Variants in SH3TC2 observed in about 807,000 individuals in gnomAD.
SH3TC2 encodes SH3 domain and tetratricopeptide repeat-containing protein 2.
A neutral mutation model predicts 124.5 loss-of-function variants in SH3TC2; 87 were observed. The observed-to-expected ratio is 0.70, with a 90% CI of 0.59 to 0.84. The LOEUF is 0.84. Among genes scored for constraint, SH3TC2 ranks in the 40% least tolerant of loss-of-function variants. The pLI, the probability that SH3TC2 is intolerant of heterozygous loss-of-function variation, is 0.00. For missense variants in SH3TC2, 1,536 were observed against 1,566.4 expected (o/e 0.98, Z 0.33); for synonymous variants, 634 against 628.5 (o/e 1.01, Z -0.13).
chr5:149,011,195 G>C (rs1172288145), intron 13 of SH3TC2, among the ~76,000 whole-genome samples: 3 of 152,200 alleles, frequency 2.0e-5, no homozygotes, highest in African/African-American at 7.2e-5. Flanking sequence ...TGGCAGCCTG[G>C]GGTTGGGTGA....
rs999080526 is a variant in SH3TC2, at chr5:148,994,485, G to A, written c.*10226C>T. On this transcript the variant is annotated 3_prime_UTR_variant, in exon 17 of 17. Coordinates refer to ENST00000515425, the MANE Select transcript of SH3TC2 (RefSeq NM_024577.4). ...CCCTGGAGCCCATAGGACTTATGAA[G>A]ACAGGGACTGTCATTATCTTGCTCA... is the stretch of plus-strand genomic sequence containing the variant. Among the ~76,000 whole-genome samples, 4 of 152,208 alleles carry A rather than the reference G, an allele frequency of 2.6e-5. No homozygotes were observed. The highest frequency in any genetic ancestry group is 4.4e-5 in the Non-Finnish European group (3 of 68,034).
At chr5:149,035,038 A>C (rs1159129896) in intron 8 of SH3TC2, among the ~76,000 whole-genome samples, 1 of 152,172 alleles carries the variant, frequency 6.6e-6, no homozygotes, top group African/African-American at 2.4e-5. Flanking sequence ...TAAAATAGAT[A>C]CTCTATGAAG....
chr5:149,006,104 C>CA (rs1753684150), intron 16 of SH3TC2: 1 of 152,246 alleles, frequency 6.6e-6, no homozygotes, highest in African/African-American at 2.4e-5. Flanking sequence ...ACAAAAAATA[C>CA]AAAAATTAGC....
Position 149,027,251 on chromosome 5 carries a change from C to T in SH3TC2, c.2481G>A (p.Lys827=). Residue 827 remains lysine (K), a synonymous_variant, in exon 11 of 17, where the codon AAG becomes AAA. Coordinates refer to ENST00000515425, the MANE Select transcript of SH3TC2 (RefSeq NM_024577.4). ...CCCTTTGAGTGAGACTCTCTGTCTC[C>T]TTCAGGGAGCATAGCAGTGGCTCAA... ...DVLEPLLCSL[K]ETESLTQRGV... The T allele has an allele frequency of 6.2e-7, 1 of 1,614,204 alleles. No individual in the cohort carries two copies. Among genetic ancestry groups the T allele is most frequent in the Non-Finnish European group, 8.5e-7 (1 of 1,180,046 alleles).
At chr5:149,012,956 A>G (rs1753809081) in intron 12 of SH3TC2, among the ~76,000 whole-genome samples, 1 of 152,162 alleles carries the variant, frequency 6.6e-6, no homozygotes, top group Non-Finnish European at 1.5e-5. Context: ...AAACAGACCT[A>G]TAATTGTGCC....
chr5:149,003,845 G>A lies in SH3TC2; in HGVS notation c.*866C>T. The stretch of plus-strand genomic sequence containing the variant: ...CAGCCTGGGCAACAGAGGAGAAACT[G>A]TCTCAAAAAAAAAAAAAAAAAAAAA... On this transcript the variant is annotated 3_prime_UTR_variant, in exon 17 of 17. Transcript: ENST00000515425. 4.8e-6 allele frequency: 1 copy of A among 207,760 alleles called. No individual in the cohort carries two copies. Among genetic ancestry groups the A allele is most frequent in the Non-Finnish European group, 8.8e-6 (1 of 113,370 alleles). The allele number at this position is 207,760 out of a possible 1,614,324, so 12.9% of individuals were successfully genotyped here.
At position 149,006,904 on chromosome 5, in the gene SH3TC2, T is replaced by G. The variant is rs1321620395; in HGVS notation, c.3652A>C (p.Arg1218=). The G allele has an allele frequency of 6.2e-7, 1 of 1,613,972 alleles. No homozygotes were observed. The highest frequency in any genetic ancestry group is 1.1e-5 in the South Asian group (1 of 91,062). The change falls in exon 16 of 17, where the codon AGA becomes CGA. Residue 1218 remains arginine, a synonymous_variant. Transcript: ENST00000515425. ...YYAKVYYRLG[R]LTFCQLKDAH... ...ACCTTCAGCTGGCAGAAGGTGAGTC[T>G]GCCCAGGCGATAATACACCTTGGCA...
intron 14 of SH3TC2, among the ~76,000 whole-genome samples, chr5:149,009,891 A>G (rs1483501367): frequency 2.4e-4 from 37 of 152,222 alleles, no homozygotes; most frequent in Non-Finnish European, 2.9e-5. Context: ...GCATTCATCT[A>G]CATAACCCTT....
chr5:149,013,552 A>G (rs1245031461), intron 12 of SH3TC2, among the ~76,000 whole-genome samples: 1 of 152,252 alleles, frequency 6.6e-6, no homozygotes, highest in African/African-American at 2.4e-5. Context: ...GAGTGACAAC[A>G]GTGGTAACTT....
In SH3TC2 at chr5:149,012,695, C is replaced by A; in HGVS notation, c.3093G>T (p.Leu1031=). Residue 1031 remains leucine (L), a synonymous_variant, in exon 13 of 17, where the codon CTG becomes CTT. Coordinates refer to ENST00000515425, the MANE Select transcript of SH3TC2 (RefSeq NM_024577.4). ...TCTCCCCCAGGTCAATGAAGATACG[C>A]AGGCTCTCCTTGATGCATGTGAGTG... ...RRSLTCIKES[L]RIFIDLGETD... is the part of the protein sequence containing the mutation. 6.2e-7 allele frequency: 1 copy of A among 1,614,154 alleles called. No homozygotes were observed. The highest frequency in any genetic ancestry group is 8.5e-7 in the Non-Finnish European group (1 of 1,180,040).
Position 148,998,461 on chromosome 5 carries a change from T to C in SH3TC2, c.*6250A>G, listed in dbSNP as rs1753545830. On this transcript the variant is annotated 3_prime_UTR_variant, in exon 17 of 17. Coordinates refer to ENST00000515425, the MANE Select transcript of SH3TC2 (RefSeq NM_024577.4). ...TTCAACCATCCTCTCACCTACCCTG[T>C]CTGGAAGTTCATCTCAAAGAGCCTC... Among the ~76,000 whole-genome samples, 1 of 152,224 alleles carries C rather than the reference T, an allele frequency of 6.6e-6. No individual in the cohort carries two copies. The highest frequency in any genetic ancestry group is 6.5e-5 in the Admixed American group (1 of 15,280).
rs779808918 is a variant in SH3TC2, at chr5:149,038,402, G to A, written c.894C>T (p.Ile298=). The change falls in exon 8 of 17, where the codon ATC becomes ATT. Residue 298 remains isoleucine (I), a synonymous_variant. Transcript: ENST00000515425. ...NFYQGESIEI[I]GFVIPGLQWF... is the part of the protein sequence containing the mutation. The stretch of plus-strand genomic sequence containing the variant: ...ACTGAAGCCCAGGTATGACAAAGCC[G>A]ATGATCTCAATGCTTTCTCCCTGGT... 2.3e-5 allele frequency: 37 copies of A among 1,614,054 alleles called. No homozygotes were observed. The East Asian group carries it at 2.7e-4, about 12-fold the overall frequency.
intron 2 of SH3TC2, among the ~76,000 whole-genome samples, chr5:149,051,651 A>G (rs537916812): frequency 3.9e-5 from 6 of 151,936 alleles, no homozygotes; most frequent in Non-Finnish European, 8.8e-5. Context: ...ATCAGGTCTC[A>G]CTCTGTTGCC....
rs886060103 is a variant in SH3TC2 at position 148,986,878 on chromosome 5, A to C, written c.*17833T>G. ...TTAACTTGTTAAAACAGTTACACCC[A>C]AAAAATGCTGAGATTATTTAACAAT... On this transcript the variant is annotated 3_prime_UTR_variant, in exon 17 of 17. Transcript: ENST00000515425. Among the ~76,000 whole-genome samples the C allele has an allele frequency of 5.3e-5, 8 of 152,234 alleles. No individual in the cohort carries two copies. The highest frequency in any genetic ancestry group is 4.1e-4 in the South Asian group (2 of 4,828).
At chr5:149,008,497 A>G (rs1753728334) in intron 15 of SH3TC2, 2 of 355,534 alleles carry the variant, frequency 5.6e-6, no homozygotes, top group Non-Finnish European at 1.1e-5. Context: ...AATATCATTT[A>G]CTTTACACTT....
chr5:149,010,263 G>A lies in SH3TC2; in HGVS notation c.3327+7C>T. ...CTGTCTCAGCAAACTGCACAGCTTGGACTTACTCGGTAGTACTCCACTGCA... is the reference window on the plus strand; with the variant it reads ...CTGTCTCAGCAAACTGCACAGCTTGAACTTACTCGGTAGTACTCCACTGCA... On this transcript the variant is annotated splice_region_variant and intron_variant, in intron 14 of 16. Coordinates refer to ENST00000515425, the MANE Select transcript of SH3TC2 (RefSeq NM_024577.4). 1 of 1,614,134 alleles carries A rather than the reference G, an allele frequency of 6.2e-7. No homozygotes were observed. Among genetic ancestry groups the A allele is most frequent in the Non-Finnish European group, 8.5e-7 (1 of 1,180,036 alleles).
chr5:149,030,536 T>C (rs1400099511), intron 9 of SH3TC2, among the ~76,000 whole-genome samples: 1 of 152,264 alleles, frequency 6.6e-6, no homozygotes, highest in African/African-American at 2.4e-5. Context: ...TCCCGCCTAC[T>C]GGGCAGTGTT....
rs200332172 is a variant in SH3TC2 at position 149,027,935 on chromosome 5, C to G, written c.1797G>C (p.Leu599=). The change falls in exon 11 of 17, where the codon CTG becomes CTC. Residue 599 remains leucine, a synonymous_variant. Transcript: ENST00000515425. ...SALLEKAGAL[L]ACLPDRESSA... is the part of the protein sequence containing the mutation. ...TAGACTCACGGTCAGGCAGGCAGGC[C>G]AGCAGGGCACCTGCCTTTTCCAACA... 3 of 1,613,984 alleles carry G rather than the reference C, an allele frequency of 1.9e-6. No homozygotes were observed. Among genetic ancestry groups the G allele is most frequent in the East Asian group, 2.2e-5 (1 of 44,890 alleles).
In SH3TC2 at chr5:148,985,707, T is replaced by C. The variant is rs1382414993; in HGVS notation, c.*19004A>G. Among the ~76,000 whole-genome samples the C allele has an allele frequency of 3.9e-5, 6 of 152,236 alleles. No homozygotes were observed. Among genetic ancestry groups the C allele is most frequent in the Non-Finnish European group, 8.8e-5 (6 of 68,040 alleles). On this transcript the variant is annotated 3_prime_UTR_variant, in exon 17 of 17. Coordinates refer to ENST00000515425, the MANE Select transcript of SH3TC2 (RefSeq NM_024577.4). ...TTTTGTATACATAAGTTTTCATTTCTTTGATATAAATACCTAGGAGTAGCA... is the reference window on the plus strand; with the variant it reads ...TTTTGTATACATAAGTTTTCATTTCCTTGATATAAATACCTAGGAGTAGCA...
Sources: allele counts gnomAD v4.1 joint callset (sites outside exome capture counted in the v4.1 genomes callset), GRCh38; gene constraint gnomAD v4.1.1; transcripts MANE v1.5; gene names NCBI Gene and HGNC (gene_info 2026-07-23, HGNC 2026-07-21).